ATP8A1: variants seen among roughly 807,000 people sequenced by gnomAD.
ATP8A1 encodes phospholipid-transporting ATPase IA.
ATP8A1 carries 90 observed loss-of-function variants against 177.7 expected under a neutral mutation model. That is an observed-to-expected ratio of 0.51 (90% CI 0.43 to 0.60). The LOEUF (loss-of-function observed/expected upper bound fraction) is 0.60, where lower values mean the gene tolerates loss of function less well. ATP8A1 is among the 20% of genes least tolerant of loss of function. The probability of loss-of-function intolerance (pLI) is 0.00; values close to 1 mark genes in which losing one functional copy is unlikely to be tolerated. For synonymous variants in ATP8A1, 493 were observed against 485.9 expected (o/e 1.01, Z -0.19); for missense variants, 1,072 against 1,392.8 (o/e 0.77, Z 3.67).
At chr4:42,569,576 T>C (rs1731705925) in intron 14 of ATP8A1, among the ~76,000 whole-genome samples, 1 of 152,178 alleles carries the variant, frequency 6.6e-6, no homozygotes, top group East Asian at 1.9e-4. Flanking sequence ...TGTTTCAAGG[T>C]AACAAACATG....
At position 42,455,210 on chromosome 4, in the gene ATP8A1, T is replaced by C. The variant is rs1438107559; in HGVS notation, c.2817+87A>G. On this transcript the variant is annotated intron_variant, in intron 29 of 36. Transcript: ENST00000381668. Reference sequence around the variant, plus strand: ...GAGTTGTCTCAGGCTAGTGTATCCTTGGCCTTTGAAAACCACATACCCCAT... The same window carrying C: ...GAGTTGTCTCAGGCTAGTGTATCCTCGGCCTTTGAAAACCACATACCCCAT... The C allele has an allele frequency of 7.2e-6, 11 of 1,526,014 alleles. No individual in the cohort carries two copies. In the Admixed American group the frequency reaches 1.5e-4, roughly 21 times the overall value. The allele number at this position is 1,526,014 out of a possible 1,614,324, so 94.5% of individuals were successfully genotyped here. A position where few individuals can be genotyped will look rare whatever the true frequency, so the allele number is the denominator to read the frequency against.
At chr4:42,505,613 A>T (rs1363028825) in intron 23 of ATP8A1, among the ~76,000 whole-genome samples, 1 of 152,222 alleles carries the variant, frequency 6.6e-6, no homozygotes, top group African/African-American at 2.4e-5. Context: ...ACTAGTTTTT[A>T]AAAAATAAAC....
chr4:42,420,178 T>C (rs1713728300), intron 35 of ATP8A1, among the ~76,000 whole-genome samples: 1 of 152,192 alleles, frequency 6.6e-6, no homozygotes, highest in Non-Finnish European at 1.5e-5. Flanking sequence ...TTGCTATTTT[T>C]CTCCTTTCAC....
intron 24 of ATP8A1, 84 bp downstream of exon 24, chr4:42,503,366 A>G: frequency 2.5e-6 from 2 of 810,214 alleles, no homozygotes; most frequent in Non-Finnish European, 3.9e-6. Context: ...GAAAGATAAA[A>G]TATTTCCATA....
intron 16 of ATP8A1, among the ~76,000 whole-genome samples, chr4:42,553,298 A>G (rs1467170062): frequency 6.6e-6 from 1 of 152,222 alleles, no homozygotes; most frequent in Non-Finnish European, 1.5e-5. Flanking sequence ...TTTAAATTTT[A>G]GGCATGCAAT....
At chr4:42,654,096 G>A (rs1017959773) in intron 1 of ATP8A1, among the ~76,000 whole-genome samples, 3 of 152,212 alleles carry the variant, frequency 2.0e-5, no homozygotes, top group African/African-American at 7.2e-5. Flanking sequence ...CGTTTAACAA[G>A]ATCCTCAGGT....
chr4:42,604,880 G>C (rs1577685879), intron 5 of ATP8A1, among the ~76,000 whole-genome samples: 1 of 152,214 alleles, frequency 6.6e-6, no homozygotes, highest in East Asian at 1.9e-4. Flanking sequence ...TGACATGAAT[G>C]AATCTTGGAG....
At chr4:42,543,474 A>C (rs973538437) in intron 20 of ATP8A1, among the ~76,000 whole-genome samples, 2 of 152,196 alleles carry the variant, frequency 1.3e-5, no homozygotes, top group Non-Finnish European at 2.9e-5. Context: ...CCATGTCAGA[A>C]ATTGTTATAA....
intron 19 of ATP8A1, among the ~76,000 whole-genome samples, chr4:42,547,108 A>C (rs116487698): frequency 6.6e-6 from 1 of 152,176 alleles, no homozygotes; most frequent in Non-Finnish European, 1.5e-5. Flanking sequence ...CTTGCCTGAT[A>C]GCTCTGCTTG....
Position 42,412,160 on chromosome 4 carries a change from T to A in ATP8A1, c.*756A>T, listed in dbSNP as rs1003102533. 1.3e-5 allele frequency: 2 copies of A among 152,202 alleles called. No homozygotes were observed. Among genetic ancestry groups the A allele is most frequent in the Non-Finnish European group, 2.9e-5 (2 of 68,030 alleles). The allele number at this position is 152,202 out of a possible 1,614,324, so 9.4% of individuals were successfully genotyped here. A position where few individuals can be genotyped will look rare whatever the true frequency, so the allele number is the denominator to read the frequency against. On this transcript the variant is annotated 3_prime_UTR_variant, in exon 37 of 37. Coordinates refer to ENST00000381668, the MANE Select transcript of ATP8A1 (RefSeq NM_006095.2). ...CAACAGAGTCACATTAACACGTGTG[T>A]CCTCTAACAAATAAACACGACAAAC...
chr4:42,527,197 G>A (rs1201876141), intron 20 of ATP8A1, among the ~76,000 whole-genome samples: 1 of 152,126 alleles, frequency 6.6e-6, no homozygotes, highest in Non-Finnish European at 1.5e-5. Context: ...TCTCCTGCAG[G>A]GAAAGAGCTG....
intron 6 of ATP8A1, 23 bp from the exon 7 acceptor site, chr4:42,590,907 A>G: frequency 6.6e-7 from 1 of 1,516,458 alleles, no homozygotes; most frequent in African/African-American, 1.7e-5. Flanking sequence ...GTATAAAATA[A>G]TTAAAATGGC....
At chr4:42,503,024 C>G (rs150070365) in intron 24 of ATP8A1, among the ~76,000 whole-genome samples, 1 of 152,106 alleles carries the variant, frequency 6.6e-6, no homozygotes, top group African/African-American at 2.4e-5. Context: ...AAAGAAAGTC[C>G]GTCCTACTAG....
At chr4:42,545,974 G>A (rs888304712) in intron 19 of ATP8A1, among the ~76,000 whole-genome samples, 5 of 152,076 alleles carry the variant, frequency 3.3e-5, no homozygotes, top group African/African-American at 7.2e-5. Flanking sequence ...ACTCTGTCTC[G>A]GTTTGGGGGT....
intron 4 of ATP8A1, among the ~76,000 whole-genome samples, chr4:42,622,465 C>T (rs1737574910): frequency 1.3e-5 from 2 of 152,028 alleles, no homozygotes; most frequent in South Asian, 4.1e-4. Context: ...CTAGGCACTA[C>T]TATTCAGGAC....
intron 25 of ATP8A1, among the ~76,000 whole-genome samples, chr4:42,475,171 TTC>T (rs1268901950): frequency 6.6e-6 from 1 of 152,136 alleles, no homozygotes; most frequent in Non-Finnish European, 1.5e-5. Flanking sequence ...AGACACAGCA[TTC>T]TTTTATTTTT....
At position 42,578,113 on chromosome 4, in the gene ATP8A1, G is replaced by C. The variant is rs1220577571; in HGVS notation, c.1128+147C>G. 4.1e-6 allele frequency: 3 copies of C among 732,684 alleles called. No individual in the cohort carries two copies. The African/African-American group carries it at 5.6e-5, about 14-fold the overall frequency. The allele number at this position is 732,684 out of a possible 1,614,324, so 45.4% of individuals were successfully genotyped here. A position where few individuals can be genotyped will look rare whatever the true frequency, so the allele number is the denominator to read the frequency against. ...TAAACTTGTGTGATTCTGAGATGAG[G>C]AACTTTGCAACAAATTAGGTTCAAA... On this transcript the variant is annotated intron_variant, in intron 12 of 36. Coordinates refer to ENST00000381668, the MANE Select transcript of ATP8A1 (RefSeq NM_006095.2).
At chr4:42,458,509 T>C (rs956681827) in intron 27 of ATP8A1, among the ~76,000 whole-genome samples, 4 of 152,186 alleles carry the variant, frequency 2.6e-5, no homozygotes, top group African/African-American at 9.7e-5. Context: ...AAAAAATCTC[T>C]CTTTAAAAGG....
chr4:42,650,807 C>T (rs1200190873), intron 1 of ATP8A1, among the ~76,000 whole-genome samples: 1 of 151,988 alleles, frequency 6.6e-6, no homozygotes, highest in African/African-American at 2.4e-5. Context: ...CAATTTAATC[C>T]TTATTATATG....
Sources: gnomAD v4.1 joint callset for allele counts (sites outside exome capture counted in the v4.1 genomes callset) on GRCh38, gnomAD v4.1.1 for gene constraint, MANE v1.5 for transcripts, NCBI Gene and HGNC (gene_info 2026-07-23, HGNC 2026-07-21) for gene names.